Variants in TOM1L1 observed in about 807,000 individuals in gnomAD.
The protein encoded by TOM1L1 is TOM1-like protein 1.
A neutral mutation model predicts 63.4 loss-of-function variants in TOM1L1; 64 were observed. The ratio of observed to expected loss-of-function variants is 1.01; its 90% CI spans 0.83 to 1.24. The LOEUF is 1.24. Ranked by LOEUF, TOM1L1 falls within the 50% of genes most tolerant of loss-of-function variation. The pLI is 0.00. For missense variants in TOM1L1, 536 were observed against 567.0 expected (o/e 0.95, Z 0.55); for synonymous variants, 166 against 194.4 (o/e 0.85, Z 1.22).
At chr17:54,958,748 A>AAAAAAAAAAAAAAAAAAAAAAAAAAAAG (rs372776781) in intron 14 of TOM1L1, among the ~76,000 whole-genome samples, 1 of 118,928 alleles carries the variant, frequency 8.4e-6, no homozygotes. Context: ...AAAAAAAAAA[A>AAAAAAAAAAAAAAAAAAAAAAAAAAAAG]GGGGTTGTTG....
chr17:54,945,132 C>T (rs1157176958), intron 11 of TOM1L1, among the ~76,000 whole-genome samples: 2 of 152,084 alleles, frequency 1.3e-5, no homozygotes, highest in Non-Finnish European at 2.9e-5. Context: ...TCATGTCACT[C>T]CAATTCTTGC....
intron 14 of TOM1L1, chr17:54,952,106 T>C (rs1259544027): frequency 1.3e-5 from 2 of 152,176 alleles, no homozygotes; most frequent in Non-Finnish European, 2.9e-5. Context: ...GTTGAAATTT[T>C]TCTAATCTGG....
intron 7 of TOM1L1, among the ~76,000 whole-genome samples, chr17:54,928,905 A>C (rs1031981028): frequency 2.0e-5 from 3 of 152,060 alleles, no homozygotes; most frequent in African/African-American, 7.2e-5. Context: ...TCTAAATGCC[A>C]GTTAGTAATA....
intron 7 of TOM1L1, 86 bp from the exon 8 acceptor site, chr17:54,929,987 T>C: frequency 6.4e-7 from 1 of 1,553,730 alleles, no homozygotes; most frequent in Non-Finnish European, 8.8e-7. Flanking sequence ...TGGAGGTGAC[T>C]GTAGGTATGC....
chr17:54,959,617 T>C (rs1267806760), intron 14 of TOM1L1: 1 of 27,292 alleles, frequency 3.7e-5, no homozygotes, highest in East Asian at 3.4e-4. Context: ...GGAAGATTAA[T>C]TTTTTTTTTT....
At chr17:54,934,317 A>C (rs535599573) in intron 8 of TOM1L1, among the ~76,000 whole-genome samples, 2 of 152,248 alleles carry the variant, frequency 1.3e-5, no homozygotes, top group South Asian at 4.1e-4. Context: ...TCCCAGCTTG[A>C]CTTTTCCCTT....
At chr17:54,904,637 C>T (rs2048382199) in intron 2 of TOM1L1, among the ~76,000 whole-genome samples, 1 of 152,140 alleles carries the variant, frequency 6.6e-6, no homozygotes, top group Non-Finnish European at 1.5e-5. Flanking sequence ...CATGTGCTAT[C>T]GTTTGTTCTT....
At chr17:54,936,392 G>A (rs2048946600) in intron 8 of TOM1L1, 5 of 330,086 alleles carry the variant, frequency 1.5e-5, no homozygotes, top group Admixed American at 4.8e-5. Context: ...TGAAATACTG[G>A]AATAATGTTA....
intron 3 of TOM1L1, chr17:54,906,726 T>C: frequency 1.0e-6 from 1 of 982,624 alleles, no homozygotes; most frequent in Non-Finnish European, 1.2e-6. Context: ...GTGTGGACTC[T>C]TATTTGATGT....
intron 11 of TOM1L1, among the ~76,000 whole-genome samples, chr17:54,942,071 CAA>C (rs965524119): frequency 5.3e-5 from 8 of 152,068 alleles, no homozygotes; most frequent in African/African-American, 1.7e-4. Flanking sequence ...CCTTAAAAAA[CAA>C]TAACAAAGAA....
At chr17:54,931,184 A>T (rs1477579201) in intron 8 of TOM1L1, among the ~76,000 whole-genome samples, 2 of 152,246 alleles carry the variant, frequency 1.3e-5, no homozygotes, top group Non-Finnish European at 2.9e-5. Context: ...TAAGGGAAAG[A>T]GGTGAACAGG....
rs138409817 is a variant in TOM1L1 at position 54,938,758 on chromosome 17, A to G, written c.1034-166A>G. ...ATTTCTCTTAGAGCTAGGAAATCTCATGATTTTAGGGTGACAGAAATATCT... is the reference window on the plus strand; with the variant it reads ...ATTTCTCTTAGAGCTAGGAAATCTCGTGATTTTAGGGTGACAGAAATATCT... On this transcript the variant is annotated intron_variant, in intron 10 of 15. Transcript: ENST00000575882. 15 of 498,336 alleles carry G rather than the reference A, an allele frequency of 3.0e-5. No homozygotes were observed. In the East Asian group the frequency reaches 4.7e-4, roughly 15 times the overall value. The allele number at this position is 498,336 out of a possible 1,614,324, so 30.9% of individuals were successfully genotyped here. A position where few individuals can be genotyped will look rare whatever the true frequency, so the allele number is the denominator to read the frequency against.
chr17:54,943,533 G>A (rs975326011), intron 11 of TOM1L1, among the ~76,000 whole-genome samples: 8 of 147,964 alleles, frequency 5.4e-5, no homozygotes, highest in Non-Finnish European at 1.0e-4. Flanking sequence ...TTCTTTTCCT[G>A]TTATTTTGCT....
intron 7 of TOM1L1, among the ~76,000 whole-genome samples, chr17:54,925,623 G>A (rs1330515252): frequency 1.3e-5 from 2 of 152,196 alleles, no homozygotes; most frequent in East Asian, 1.9e-4. Context: ...CCATCCTGAG[G>A]CCAGATGCGA....
chr17:54,948,247 A>G (rs1448737450), intron 12 of TOM1L1, among the ~76,000 whole-genome samples: 3 of 151,746 alleles, frequency 2.0e-5, no homozygotes, highest in Non-Finnish European at 4.4e-5. Flanking sequence ...CACCCACCTC[A>G]TAATCTGTTC....
intron 2 of TOM1L1, among the ~76,000 whole-genome samples, chr17:54,904,051 A>G (rs2048370052): frequency 6.6e-6 from 1 of 152,108 alleles, no homozygotes; most frequent in South Asian, 2.1e-4. Context: ...TGTCACTGTG[A>G]AGCTCAAATT....
chr17:54,937,167 G>T lies in TOM1L1; in HGVS notation c.974G>T (p.Arg325Leu). 1 of 1,613,006 alleles carries T rather than the reference G, an allele frequency of 6.2e-7. No homozygotes were observed. Among genetic ancestry groups the T allele is most frequent in the Middle Eastern group, 1.6e-4 (1 of 6,062 alleles). ...QDLLDLSPSPRMPRATLGELN... is the reference protein window; with the variant it reads ...QDLLDLSPSPLMPRATLGELN... ...CTCCTCGACCTAAGTCCCAGTCCCC[G>T]GATGCCTAGGGCCACTCTGGGAGAA... The change falls in exon 10 of 16, where the codon CGG becomes CTG. Residue 325 changes from arginine to leucine, a missense_variant. By Grantham distance (102) the Arg-to-Leu change is moderately radical. Transcript: ENST00000575882.
At position 54,937,097 on chromosome 17, in the gene TOM1L1, C is replaced by A; in HGVS notation, c.916-12C>A. On this transcript the variant is annotated splice_polypyrimidine_tract_variant and intron_variant, in intron 9 of 15. Coordinates refer to ENST00000575882, the MANE Select transcript of TOM1L1 (RefSeq NM_005486.3). ...TACATGACACTTTTTTTTTTTTTTG[C>A]TTTGTTTTCAGACTACCAGTGAGCC... is the stretch of plus-strand genomic sequence containing the variant. 1.5e-6 allele frequency: 2 copies of A among 1,299,052 alleles called. No homozygotes were observed. The highest frequency in any genetic ancestry group is 1.0e-6 in the Non-Finnish European group (1 of 965,718). 80.5% of individuals were successfully genotyped at this position (1,299,052 alleles called of 1,614,324 possible).
At chr17:54,946,111 T>C (rs2049114036) in intron 11 of TOM1L1, among the ~76,000 whole-genome samples, 1 of 152,218 alleles carries the variant, frequency 6.6e-6, no homozygotes, top group Non-Finnish European at 1.5e-5. Context: ...TTTCAAAGCC[T>C]TTGCAGTGCC....
Sources: gnomAD v4.1 joint callset for allele counts (sites outside exome capture counted in the v4.1 genomes callset) on GRCh38, gnomAD v4.1.1 for gene constraint, MANE v1.5 for transcripts, NCBI Gene and HGNC (gene_info 2026-07-23, HGNC 2026-07-21) for gene names.